The following BRAF variants were observed in gnomAD, a reference collection of about 807,000 sequenced individuals.
BRAF encodes the protein serine/threonine-protein kinase B-raf.
In BRAF, 16 loss-of-function variants were observed where a neutral mutation model predicts 104.6. The ratio of observed to expected loss-of-function variants is 0.15; its 90% CI spans 0.10 to 0.23. The LOEUF (loss-of-function observed/expected upper bound fraction) is 0.23, where lower values mean the gene tolerates loss of function less well. Among genes scored for constraint, BRAF ranks in the 10% least tolerant of loss-of-function variants. BRAF has a pLI of 1.00. For synonymous variants in BRAF, 310 were observed against 341.6 expected, an observed-to-expected ratio of 0.91 and a Z score of 1.02; for missense variants, 541 against 937.3, an observed-to-expected ratio of 0.58 and a Z score of 5.52.
At position 140,725,093 on chromosome 7, in the gene BRAF, C is replaced by T; in HGVS notation, c.*1401G>A. 2 of 1,044,470 alleles carry T rather than the reference C, an allele frequency of 1.9e-6. No homozygotes were observed. Among genetic ancestry groups the T allele is most frequent in the Non-Finnish European group, 1.2e-6 (1 of 866,260 alleles). 64.7% of individuals were successfully genotyped at this position (1,044,470 alleles called of 1,614,324 possible). A position where few individuals can be genotyped will look rare whatever the true frequency, so the allele number is the denominator to read the frequency against. ...GTCTGGGAATTCAGCTGCCAAATTG[C>T]CCAACCTTTTGAAGACCAGGCTTGG... is the stretch of plus-strand genomic sequence containing the variant. On this transcript the variant is annotated 3_prime_UTR_variant, in exon 20 of 20. Transcript: ENST00000644969.
chr7:140,878,885 T>C (rs990377394), intron 1 of BRAF, among the ~76,000 whole-genome samples: 1 of 152,120 alleles, frequency 6.6e-6, no homozygotes, highest in African/African-American at 2.4e-5. Flanking sequence ...CCATTTTTTT[T>C]TCCTTTGAGA....
chr7:140,749,095 G>A, intron 17 of BRAF, 192 bp downstream of exon 16: 1 of 594,726 alleles, frequency 1.7e-6, no homozygotes, highest in Non-Finnish European at 2.9e-6. Context: ...TAACATTCAT[G>A]ACTGATATTC....
chr7:140,904,417 A>T (rs765571952), intron 1 of BRAF, among the ~76,000 whole-genome samples: 1 of 151,816 alleles, frequency 6.6e-6, no homozygotes, highest in Non-Finnish European at 1.5e-5. Context: ...AGAATCTTTC[A>T]TAGGTGGTAG....
chr7:140,720,221 T>C lies in BRAF; in HGVS notation c.*6273A>G. ...TCAGATGTACAACCAACAAATGAGA[T>C]TACCACAAATACATATCACTGTGAT... On this transcript the variant is annotated 3_prime_UTR_variant, in exon 20 of 20. Coordinates refer to ENST00000644969, the MANE Select transcript of BRAF (RefSeq NM_001374258.1). 9.4e-7 allele frequency: 1 copy of C among 1,062,686 alleles called. No individual in the cohort carries two copies. The highest frequency in any genetic ancestry group is 1.1e-6 in the Non-Finnish European group (1 of 877,722). The allele number at this position is 1,062,686 out of a possible 1,614,324, so 65.8% of individuals were successfully genotyped here.
chr7:140,811,907 A>G (rs747780761), intron 3 of BRAF, among the ~76,000 whole-genome samples: 13 of 152,112 alleles, frequency 8.5e-5, no homozygotes, highest in Non-Finnish European at 1.6e-4. Context: ...ACTGGTTGTA[A>G]CCTTTCAGAA....
chr7:140,747,940 T>C (rs943765404), intron 17 of BRAF, among the ~76,000 whole-genome samples: 1 of 152,194 alleles, frequency 6.6e-6, no homozygotes, highest in Non-Finnish European at 1.5e-5. Context: ...TCCAAAGTCA[T>C]GTTGTTACAC....
At chr7:140,763,544 A>G (rs1017540465) in intron 14 of BRAF, among the ~76,000 whole-genome samples, 3 of 152,212 alleles carry the variant, frequency 2.0e-5, no homozygotes, top group Non-Finnish European at 2.9e-5. Flanking sequence ...TTGATAGACC[A>G]CTAGCAAGAC....
intron 18 of BRAF, among the ~76,000 whole-genome samples, chr7:140,736,505 G>A (rs1796448491): frequency 6.7e-6 from 1 of 150,118 alleles, no homozygotes; most frequent in Non-Finnish European, 1.5e-5. Context: ...TCGGCTCACC[G>A]CAACCTCCGC....
intron 8 of BRAF, among the ~76,000 whole-genome samples, chr7:140,792,041 C>T (rs370923884): frequency 1.7e-4 from 26 of 152,206 alleles, no homozygotes; most frequent in African/African-American, 5.8e-4. Context: ...AGAAAGTCTA[C>T]GTAAAGCACT....
intron 14 of BRAF, among the ~76,000 whole-genome samples, chr7:140,768,603 C>T (rs549949984): frequency 6.6e-5 from 10 of 152,230 alleles, no homozygotes; most frequent in East Asian, 5.8e-4. Context: ...AAGTGATCCT[C>T]CTGCCTCAGC....
At position 140,719,781 on chromosome 7, in the gene BRAF, G is replaced by A. The variant is rs763799067; in HGVS notation, c.*6713C>T. The A allele has an allele frequency of 2.2e-4, 238 of 1,062,602 alleles. No individual in the cohort carries two copies. The highest frequency in any genetic ancestry group is 2.6e-4 in the Non-Finnish European group (231 of 877,714). The allele number at this position is 1,062,602 out of a possible 1,614,324, so 65.8% of individuals were successfully genotyped here. A position where few individuals can be genotyped will look rare whatever the true frequency, so the allele number is the denominator to read the frequency against. On this transcript the variant is annotated 3_prime_UTR_variant, in exon 20 of 20. Coordinates refer to ENST00000644969, the MANE Select transcript of BRAF (RefSeq NM_001374258.1). ...TTGCAAAGCAGGTATAGAGAGGTCT[G>A]TGGACAATTAAAAAGTCCCCATCTT...
chr7:140,776,087 C>T (rs1015676950), intron 14 of BRAF, among the ~76,000 whole-genome samples: 1 of 152,032 alleles, frequency 6.6e-6, no homozygotes, highest in African/African-American at 2.4e-5. Flanking sequence ...TGCCCTTAGA[C>T]AAGGAACTTA....
chr7:140,820,983 A>G (rs961070108), intron 3 of BRAF, among the ~76,000 whole-genome samples: 1 of 152,240 alleles, frequency 6.6e-6, no homozygotes, highest in Admixed American at 6.5e-5. Context: ...CTTTTTAGTT[A>G]TTGCACATAC....
intron 1 of BRAF, among the ~76,000 whole-genome samples, chr7:140,914,849 C>G (rs1228627408): frequency 6.6e-6 from 1 of 151,182 alleles, no homozygotes; most frequent in African/African-American, 2.4e-5. Flanking sequence ...ACCATCCTAG[C>G]TAACATGGTG....
intron 3 of BRAF, among the ~76,000 whole-genome samples, chr7:140,817,013 A>G (rs1804956840): frequency 6.6e-6 from 1 of 152,162 alleles, no homozygotes; most frequent in African/African-American, 2.4e-5. Flanking sequence ...AGAATAAGTC[A>G]AATTATCCTT....
chr7:140,713,362 C>G, the BRAF span, among the ~76,000 whole-genome samples: 1 of 152,164 alleles, frequency 6.6e-6, no homozygotes, highest in Non-Finnish European at 1.5e-5. Context: ...TCATTCATTT[C>G]ATCTTCCATC....
downstream of BRAF, among the ~76,000 whole-genome samples, chr7:140,716,505 C>A (rs1330050548): frequency 4.6e-5 from 7 of 152,296 alleles, no homozygotes; most frequent in Middle Eastern, 3.4e-3. Context: ...TATAGAAAAA[C>A]TTCCAGATAG....
intron 1 of BRAF, among the ~76,000 whole-genome samples, chr7:140,890,922 C>T (rs1306068829): frequency 6.6e-6 from 1 of 152,158 alleles, no homozygotes; most frequent in Non-Finnish European, 1.5e-5. Context: ...AAGAGTCATA[C>T]CACAATTCTG....
chr7:140,772,502 T>C (rs1799952227), intron 14 of BRAF, among the ~76,000 whole-genome samples: 1 of 152,026 alleles, frequency 6.6e-6, no homozygotes, highest in African/African-American at 2.4e-5. Context: ...TGCGCCCTTG[T>C]AGTCCCAGCT....
Sources: allele counts gnomAD v4.1 joint callset (sites outside exome capture counted in the v4.1 genomes callset), GRCh38; gene constraint gnomAD v4.1.1; transcripts MANE v1.5; gene names NCBI Gene and HGNC (gene_info 2026-07-23, HGNC 2026-07-21).